The following PAK2 variants were observed in gnomAD, a reference collection of about 807,000 sequenced individuals.
PAK2 encodes the protein serine/threonine-protein kinase PAK 2.
PAK2 carries 21 observed loss-of-function variants against 65.9 expected under a neutral mutation model. The observed-to-expected ratio is 0.32, with a 90% CI of 0.23 to 0.46. The LOEUF is 0.46. Ranked by LOEUF, PAK2 falls within the 20% of genes least tolerant of loss-of-function variation. The pLI is 1.00. For missense variants in PAK2, 324 were observed against 642.6 expected (o/e 0.50, Z 5.36); for synonymous variants, 204 against 219.7 (o/e 0.93, Z 0.63).
intron 1 of PAK2, among the ~76,000 whole-genome samples, chr3:196,766,528 A>G (rs947308194): frequency 6.6e-6 from 1 of 152,194 alleles, no homozygotes; most frequent in African/African-American, 2.4e-5. Flanking sequence ...CTACAAAGCA[A>G]AAAAGTACAA....
chr3:196,780,800 AT>A (rs949223238), intron 1 of PAK2, among the ~76,000 whole-genome samples: 2 of 152,004 alleles, frequency 1.3e-5, no homozygotes, highest in Non-Finnish European at 2.9e-5. Context: ...ATTTTATTTT[AT>A]TTTTTTGAGA....
intron 1 of PAK2, among the ~76,000 whole-genome samples, chr3:196,778,095 A>C (rs1714592903): frequency 2.0e-5 from 3 of 151,888 alleles, no homozygotes; most frequent in Non-Finnish European, 4.4e-5. Context: ...TTATGAACTA[A>C]ATTCCTCTCT....
intron 2 of PAK2, among the ~76,000 whole-genome samples, chr3:196,783,911 A>G (rs986183871): frequency 3.3e-5 from 5 of 152,128 alleles, no homozygotes; most frequent in African/African-American, 1.2e-4. Context: ...GTTCACTTTC[A>G]CTGCTGTGTA....
intron 2 of PAK2, among the ~76,000 whole-genome samples, chr3:196,784,237 TAA>T (rs770789371): frequency 3.2e-4 from 43 of 136,416 alleles, no homozygotes; most frequent in African/African-American, 8.6e-4. Flanking sequence ...TTTTTTTTTT[TAA>T]TTATACTTTA....
chr3:196,743,637 C>T (rs1015164982), intron 1 of PAK2, among the ~76,000 whole-genome samples: 1 of 152,116 alleles, frequency 6.6e-6, no homozygotes, highest in Non-Finnish European at 1.5e-5. Context: ...CACTTGAGGT[C>T]AGGAGTTCAA....
chr3:196,793,471 A>G (rs1279067182), intron 2 of PAK2, among the ~76,000 whole-genome samples: 1 of 152,190 alleles, frequency 6.6e-6, no homozygotes, highest in African/African-American at 2.4e-5. Context: ...CTTTAGTGTT[A>G]AGGTTGGCTT....
At chr3:196,787,233 G>GT (rs1434669176) in intron 2 of PAK2, among the ~76,000 whole-genome samples, 1 of 151,900 alleles carries the variant, frequency 6.6e-6, no homozygotes, top group Non-Finnish European at 1.5e-5. Flanking sequence ...TTTAGAATCT[G>GT]TTTATCATGT....
rs374136541 is a variant in PAK2, at chr3:196,805,319, A to G, written c.437-33A>G. ...TATCATATAAAAGTGCTGTTTCTTG[A>G]ATTGCTAATGTTATGTTTTGTTTCA... On this transcript the variant is annotated intron_variant, in intron 4 of 14. Coordinates refer to ENST00000327134, the MANE Select transcript of PAK2 (RefSeq NM_002577.4). 8 of 1,241,344 alleles carry G rather than the reference A, an allele frequency of 6.4e-6. No homozygotes were observed. In the South Asian group the frequency reaches 9.9e-5, roughly 15 times the overall value. The allele number at this position is 1,241,344 out of a possible 1,614,324, so 76.9% of individuals were successfully genotyped here. A position where few individuals can be genotyped will look rare whatever the true frequency, so the allele number is the denominator to read the frequency against.
chr3:196,813,905 G>A (rs185185255), intron 10 of PAK2, among the ~76,000 whole-genome samples: 23 of 152,208 alleles, frequency 1.5e-4, no homozygotes, highest in Admixed American at 1.3e-3. Flanking sequence ...AGCCGAGATC[G>A]CGCCACTGCA....
chr3:196,761,799 C>T (rs1267472117), intron 1 of PAK2, among the ~76,000 whole-genome samples: 4 of 143,698 alleles, frequency 2.8e-5, no homozygotes, highest in African/African-American at 7.6e-5. Context: ...ACCCCCACCT[C>T]CCTCCCGGAT....
At position 196,827,996 on chromosome 3, in the gene PAK2, G is replaced by A. The variant is rs1173633954; in HGVS notation, c.1489-323G>A. The stretch of plus-strand genomic sequence containing the variant: ...CAATCCTCAGACCTGTTTACAGTTT[G>A]TGCATCGTATCAATCCTCAGACCTG... On this transcript the variant is annotated intron_variant, in intron 14 of 14. Coordinates refer to ENST00000327134, the MANE Select transcript of PAK2 (RefSeq NM_002577.4). 2.5e-3 allele frequency among the ~76,000 whole-genome samples: 259 copies of A among 101,766 alleles called. 1 individual carries two copies. The highest frequency in any genetic ancestry group is 5.2e-3 in the Middle Eastern group (1 of 192). 66.8% of individuals were successfully genotyped at this position (101,766 alleles called of 152,430 possible). A position where few individuals can be genotyped will look rare whatever the true frequency, so the allele number is the denominator to read the frequency against.
intron 1 of PAK2, among the ~76,000 whole-genome samples, chr3:196,757,434 C>T (rs891990453): frequency 2.0e-5 from 3 of 152,214 alleles, no homozygotes; most frequent in East Asian, 1.9e-4. Flanking sequence ...TTTCCATCCA[C>T]GTCATTTCCC....
chr3:196,820,543 A>G lies in PAK2; in HGVS notation c.1326A>G (p.Pro442=), dbSNP rs1402410683. ...MAIEMVEGEP[P]YLNENPLRAL... ...TTGAGATGGTAGAAGGAGAGCCTCC[A>G]TACCTCAATGAAAATCCCTTGAGGG... The change falls in exon 13 of 15, where the codon CCA becomes CCG. Residue 442 remains proline, a synonymous_variant. Transcript: ENST00000327134. This position sits in a 1 kb window ranked among gnomAD's most constrained non-coding sequence, Gnocchi z 4.6. The G allele has an allele frequency of 6.3e-7, 1 of 1,589,202 alleles. No individual in the cohort carries two copies. The highest frequency in any genetic ancestry group is 8.6e-7 in the Non-Finnish European group (1 of 1,165,484).
At chr3:196,757,539 T>C (rs1713810456) in intron 1 of PAK2, among the ~76,000 whole-genome samples, 1 of 152,108 alleles carries the variant, frequency 6.6e-6, no homozygotes, top group Non-Finnish European at 1.5e-5. Context: ...CTTATTCTGG[T>C]TTGAGGTTTT....
intron 1 of PAK2, among the ~76,000 whole-genome samples, chr3:196,760,645 C>T (rs116564490): frequency 0.01 from 1,595 of 152,210 alleles, 21 homozygotes; most frequent in African/African-American, 0.036. Flanking sequence ...TAACCATGAC[C>T]GGTCTGTGAG....
rs200383726 is a variant in PAK2, at chr3:196,771,569, G to GT, written c.-21-11049dup. On this transcript the variant is annotated intron_variant, in intron 1 of 14. Transcript: ENST00000327134. Reference sequence around the variant, plus strand: ...CTCCTCTTTCATATTTTCTTTTTCTGTTTTTTTTGAGACAGAGTCTTGCTC... The same window carrying GT: ...CTCCTCTTTCATATTTTCTTTTTCTGTTTTTTTTTGAGACAGAGTCTTGCTC... Among the ~76,000 whole-genome samples the GT allele has an allele frequency of 2.9e-4, 43 of 149,962 alleles. 1 individual carries two copies. Among genetic ancestry groups the GT allele is most frequent in the African/African-American group, 6.3e-4 (25 of 39,848 alleles).
At chr3:196,795,610 A>T (rs555646519) in intron 2 of PAK2, among the ~76,000 whole-genome samples, 1 of 152,242 alleles carries the variant, frequency 6.6e-6, no homozygotes, top group South Asian at 2.1e-4. Flanking sequence ...GCAAGCCAGA[A>T]GACAAGGGAC....
chr3:196,768,890 T>C (rs745542403), intron 1 of PAK2, among the ~76,000 whole-genome samples: 5 of 151,896 alleles, frequency 3.3e-5, no homozygotes, highest in Non-Finnish European at 7.4e-5. Flanking sequence ...GGCCTCGAAC[T>C]CCCAGACCTC....
Position 196,782,843 on chromosome 3 carries a change from G to A in PAK2, c.187+10G>A, listed in dbSNP as rs528674282. 1.0e-5 allele frequency: 16 copies of A among 1,582,042 alleles called. No individual in the cohort carries two copies. The highest frequency in any genetic ancestry group is 9.1e-5 in the South Asian group (8 of 88,202). ...TCAGGCACAGAGAAAGGTAAATAGCGCTTCTGGCTTTCAGAGTCTCAGCAT... is the reference window on the plus strand; with the variant it reads ...TCAGGCACAGAGAAAGGTAAATAGCACTTCTGGCTTTCAGAGTCTCAGCAT... On this transcript the variant is annotated intron_variant, in intron 2 of 14. Transcript: ENST00000327134.
Sources: allele counts gnomAD v4.1 joint callset (sites outside exome capture counted in the v4.1 genomes callset), GRCh38; gene constraint gnomAD v4.1.1; non-coding constraint Gnocchi (gnomAD v3.1); transcripts MANE v1.5; gene names NCBI Gene and HGNC (gene_info 2026-07-23, HGNC 2026-07-21).